The following DUSP16 variants were observed in gnomAD, a reference collection of about 807,000 sequenced individuals.
DUSP16 encodes dual specificity phosphatase 16, also known as dual specificity protein phosphatase 16.
In DUSP16, 21 loss-of-function variants were observed where a neutral mutation model predicts 58.3. The ratio of observed to expected loss-of-function variants is 0.36; its 90% CI spans 0.26 to 0.52. The LOEUF (loss-of-function observed/expected upper bound fraction) is 0.52, where lower values mean the gene tolerates loss of function less well. Among genes scored for constraint, DUSP16 ranks in the 20% least tolerant of loss-of-function variants. DUSP16 has a pLI of 0.94. For missense variants in DUSP16, 726 were observed against 819.0 expected (o/e 0.89, Z 1.39); for synonymous variants, 320 against 323.8 (o/e 0.99, Z 0.12).
chr12:12,558,539 C>T (rs1944845470), intron 1 of DUSP16, among the ~76,000 whole-genome samples: 1 of 152,078 alleles, frequency 6.6e-6, no homozygotes, highest in South Asian at 2.1e-4. Flanking sequence ...GTACTACTAC[C>T]ATACCTAGCT....
intron 3 of DUSP16, among the ~76,000 whole-genome samples, chr12:12,512,750 T>C (rs1415828827): frequency 6.6e-6 from 1 of 152,164 alleles, no homozygotes; most frequent in African/African-American, 2.4e-5. Flanking sequence ...CTGTAGTTTT[T>C]TAGACCCAAG....
chr12:12,488,531 C>T (rs1474942718), intron 4 of DUSP16, among the ~76,000 whole-genome samples: 1 of 152,196 alleles, frequency 6.6e-6, no homozygotes, highest in Admixed American at 6.5e-5. Flanking sequence ...GGCAAGCCCA[C>T]ACAAACCCGC....
chr12:12,526,526 T>C (rs1280140788), intron 1 of DUSP16, among the ~76,000 whole-genome samples: 1 of 152,238 alleles, frequency 6.6e-6, no homozygotes, highest in African/African-American at 2.4e-5. Flanking sequence ...CTGTTTCAAC[T>C]AAGAGAACAA....
intron 5 of DUSP16, 105 bp downstream of exon 5, chr12:12,486,923 T>TA: frequency 7.3e-7 from 1 of 1,373,190 alleles, no homozygotes. Flanking sequence ...TTGAAATCTC[T>TA]GAAATAGGCT....
chr12:12,532,127 C>T (rs892575091), intron 1 of DUSP16, among the ~76,000 whole-genome samples: 13 of 151,834 alleles, frequency 8.6e-5, no homozygotes, highest in East Asian at 1.9e-4. Flanking sequence ...CACTGCAGTC[C>T]GCAGTCCGGC....
intron 1 of DUSP16, among the ~76,000 whole-genome samples, chr12:12,541,157 C>T (rs781501280): frequency 6.6e-6 from 1 of 151,830 alleles, no homozygotes; most frequent in Non-Finnish European, 1.5e-5. Flanking sequence ...TGGAGTTTCA[C>T]CATGTTGCCC....
intron 4 of DUSP16, among the ~76,000 whole-genome samples, chr12:12,489,957 A>C (rs1943739557): frequency 6.6e-6 from 1 of 152,234 alleles, no homozygotes; most frequent in African/African-American, 2.4e-5. Flanking sequence ...GGACTGTCTC[A>C]TTTAATTCTC....
At chr12:12,526,397 T>G (rs1385477475) in intron 1 of DUSP16, among the ~76,000 whole-genome samples, 2 of 152,352 alleles carry the variant, frequency 1.3e-5, no homozygotes, top group East Asian at 3.9e-4. Flanking sequence ...GTTTTATTTC[T>G]TGAAATTCAC....
Position 12,473,793 on chromosome 12 carries a change from AGG to A in DUSP16, c.*3038_*3039del, listed in dbSNP as rs1214277391. On this transcript the variant is annotated 3_prime_UTR_variant, in exon 7 of 7. Transcript: ENST00000298573. The stretch of plus-strand genomic sequence containing the variant: ...AGAGGTTGTTGAGATGTATGTGGCA[AGG>A]ACAAAGGACAGCTCTTCAACAATTG... Among the ~76,000 whole-genome samples, 2 of 152,236 alleles carry A rather than the reference AGG, an allele frequency of 1.3e-5. No homozygotes were observed. The highest frequency in any genetic ancestry group is 2.9e-5 in the Non-Finnish European group (2 of 68,050).
rs531753623 is a variant in DUSP16, at chr12:12,503,392, AT to A, written c.368-2711del. Among the ~76,000 whole-genome samples the A allele has an allele frequency of 3.2e-4, 48 of 152,048 alleles. No homozygotes were observed. The East Asian group carries it at 5.8e-3, about 18-fold the overall frequency. ...AGGCGCATGCCACCACATTTGGCTA[AT>A]TTTTTATTTTTAGTAGAGACAGGGT... On this transcript the variant is annotated intron_variant, in intron 3 of 6. Coordinates refer to ENST00000298573, the MANE Select transcript of DUSP16 (RefSeq NM_030640.3).
chr12:12,476,733 A>AAT lies in DUSP16; in HGVS notation c.*98_*99dup. The stretch of plus-strand genomic sequence containing the variant: ...TTACACCATAGCTCCATTTTCCAAA[A>AAT]ATATATATGTATGTACATATATATA... On this transcript the variant is annotated 3_prime_UTR_variant, in exon 7 of 7. Coordinates refer to ENST00000298573, the MANE Select transcript of DUSP16 (RefSeq NM_030640.3). 1 of 1,160,538 alleles carries AAT rather than the reference A, an allele frequency of 8.6e-7. No homozygotes were observed. Among genetic ancestry groups the AAT allele is most frequent in the Non-Finnish European group, 1.2e-6 (1 of 837,622 alleles). 71.9% of individuals were successfully genotyped at this position (1,160,538 alleles called of 1,614,324 possible).
intron 5 of DUSP16, among the ~76,000 whole-genome samples, chr12:12,481,856 TCA>T (rs758274577): frequency 2.0e-5 from 3 of 152,094 alleles, no homozygotes; most frequent in Non-Finnish European, 2.9e-5. Context: ...CACGTTACTC[TCA>T]GTGTTTCCTT....
At position 12,476,354 on chromosome 12, in the gene DUSP16, CA is replaced by C. The variant is rs2136182827; in HGVS notation, c.*478del. ...TTTGTGAATCAGCTTTGGATAGGAT[CA>C]TTTCTCTTGGATTTACCACTAGGCT... On this transcript the variant is annotated 3_prime_UTR_variant, in exon 7 of 7. Transcript: ENST00000298573. 1 of 154,046 alleles carries C rather than the reference CA, an allele frequency of 6.5e-6. No homozygotes were observed. Among genetic ancestry groups the C allele is most frequent in the South Asian group, 2.1e-4 (1 of 4,860 alleles). The allele number at this position is 154,046 out of a possible 1,614,324, so 9.5% of individuals were successfully genotyped here. A position where few individuals can be genotyped will look rare whatever the true frequency, so the allele number is the denominator to read the frequency against.
chr12:12,518,293 T>C (rs1944183120), intron 3 of DUSP16, among the ~76,000 whole-genome samples: 1 of 152,136 alleles, frequency 6.6e-6, no homozygotes, highest in African/African-American at 2.4e-5. Context: ...GGCAGGCAGA[T>C]CACCTGAGGT....
In DUSP16 at chr12:12,520,798, G is replaced by A; in HGVS notation, c.228+73C>T. 3.2e-6 allele frequency: 5 copies of A among 1,542,688 alleles called. No individual in the cohort carries two copies. The East Asian group carries it at 1.1e-4, about 35-fold the overall frequency. On this transcript the variant is annotated intron_variant, in intron 2 of 6. Coordinates refer to ENST00000298573, the MANE Select transcript of DUSP16 (RefSeq NM_030640.3). ...CAAATTACTTTCTCTACTTAAAGAG[G>A]AGGCTTCAATTAAAATTATTCCTCA...
intron 4 of DUSP16, among the ~76,000 whole-genome samples, chr12:12,497,454 G>GT (rs1166227052): frequency 2.0e-5 from 3 of 152,026 alleles, no homozygotes; most frequent in African/African-American, 4.8e-5. Context: ...CAGCAGCCTC[G>GT]GTTTACATTT....
At position 12,477,196 on chromosome 12, in the gene DUSP16, G is replaced by C. The variant is rs1384284684; in HGVS notation, c.1635C>G (p.Ala545=). ...TCAGGGAAGGGGTAGAGGTCTGGGGGGCCAAGATATCCGAGTGCCAGCCCT... is the reference window on the plus strand; with the variant it reads ...TCAGGGAAGGGGTAGAGGTCTGGGGCGCCAAGATATCCGAGTGCCAGCCCT... ...GLKGWHSDIL[A]PQTSTPSLTS... is the part of the protein sequence containing the mutation. Residue 545 remains alanine, a synonymous_variant, in exon 7 of 7, where the codon GCC becomes GCG. Transcript: ENST00000298573. The surrounding 1 kb of genome is among the most constrained non-coding windows in gnomAD (Gnocchi z 4.1). 1 of 1,614,180 alleles carries C rather than the reference G, an allele frequency of 6.2e-7. No individual in the cohort carries two copies. The highest frequency in any genetic ancestry group is 1.7e-5 in the Admixed American group (1 of 60,022).
In DUSP16 at chr12:12,477,519, C is replaced by T. The variant is rs1424094765; in HGVS notation, c.1312G>A (p.Gly438Arg). ...EYYKPSTTLD[G>R]TNKLCQFSPV... ...GAGAACTGGCATAGCTTGTTGGTCCCATCCAGAGTAGTGGAAGGTTTGTAG... is the reference window on the plus strand; with the variant it reads ...GAGAACTGGCATAGCTTGTTGGTCCTATCCAGAGTAGTGGAAGGTTTGTAG... The change falls in exon 7 of 7, where the codon GGG becomes AGG. Residue 438 changes from glycine (G) to arginine (R), a missense_variant. Gly to Arg is a moderately radical substitution (Grantham distance 125, BLOSUM62 -2). Transcript: ENST00000298573. This position sits in a 1 kb window ranked among gnomAD's most constrained non-coding sequence, Gnocchi z 4.1. 20 of 1,601,844 alleles carry T rather than the reference C, an allele frequency of 1.2e-5. No homozygotes were observed. The highest frequency in any genetic ancestry group is 1.6e-5 in the Non-Finnish European group (19 of 1,172,662).
chr12:12,492,197 C>T (rs1439777096), intron 4 of DUSP16, among the ~76,000 whole-genome samples: 1 of 152,158 alleles, frequency 6.6e-6, no homozygotes, highest in Non-Finnish European at 1.5e-5. Flanking sequence ...TGTATTTCCC[C>T]AGTCCATTCA....
Sources: gnomAD v4.1 joint callset for allele counts (sites outside exome capture counted in the v4.1 genomes callset) on GRCh38, gnomAD v4.1.1 for gene constraint, Gnocchi (gnomAD v3.1) non-coding constraint, MANE v1.5 for transcripts, NCBI Gene and HGNC (gene_info 2026-07-23, HGNC 2026-07-21) for gene names.